Variants in PCDHA9 observed in about 807,000 individuals in gnomAD.
The protein encoded by PCDHA9 is protocadherin alpha 9.
In PCDHA9, 62 loss-of-function variants were observed where a neutral mutation model predicts 62.0. The observed-to-expected ratio is 1.00, with a 90% CI of 0.81 to 1.23. PCDHA9 has a LOEUF of 1.23. PCDHA9 is among the 50% of genes most tolerant of loss of function. PCDHA9 has a pLI of 0.00. For missense variants in PCDHA9, 1,205 were observed against 1,249.8 expected, an observed-to-expected ratio of 0.96 and a Z score of 0.54; for synonymous variants, 557 against 567.6, an observed-to-expected ratio of 0.98 and a Z score of 0.27.
intron 3 of PCDHA9, among the ~76,000 whole-genome samples, chr5:141,002,340 TTC>T (rs1554258614): frequency 5.3e-4 from 81 of 152,342 alleles, no homozygotes; most frequent in African/African-American, 1.9e-3. Flanking sequence ...TCCGCACCCC[TTC>T]CCCCACCTCC....
intron 1 of PCDHA9, among the ~76,000 whole-genome samples, chr5:140,920,262 T>A (rs1199241403): frequency 2.0e-5 from 3 of 152,216 alleles, no homozygotes; most frequent in African/African-American, 7.2e-5. Flanking sequence ...ATAATAATTA[T>A]TACTTTATGT....
intron 1 of PCDHA9, among the ~76,000 whole-genome samples, chr5:140,917,358 C>T (rs2153543502): frequency 6.7e-6 from 1 of 149,798 alleles, no homozygotes; most frequent in East Asian, 1.9e-4. Flanking sequence ...GCTTCTGTTC[C>T]ACTATCTTGC....
chr5:140,987,730 C>CAA (rs2097266231), intron 3 of PCDHA9, among the ~76,000 whole-genome samples: 1 of 152,066 alleles, frequency 6.6e-6, no homozygotes, highest in African/African-American at 2.4e-5. Flanking sequence ...CCTACAGCTT[C>CAA]AAAATTTAGA....
intron 3 of PCDHA9, among the ~76,000 whole-genome samples, chr5:141,003,801 A>T (rs1554259323): frequency 1.3e-5 from 2 of 152,172 alleles, no homozygotes; most frequent in African/African-American, 4.8e-5. Context: ...ATTGGGTTGT[A>T]ATCTGTAGTC....
chr5:140,990,783 G>A (rs932115900), intron 3 of PCDHA9, among the ~76,000 whole-genome samples: 5 of 152,170 alleles, frequency 3.3e-5, no homozygotes, highest in African/African-American at 7.2e-5. Flanking sequence ...TGTGTTGGAC[G>A]ATGAACCATG....
At chr5:141,007,804 A>G (rs966389410) in intron 3 of PCDHA9, among the ~76,000 whole-genome samples, 1 of 152,204 alleles carries the variant, frequency 6.6e-6, no homozygotes, top group Non-Finnish European at 1.5e-5. Context: ...TTTATCTGCC[A>G]TTCATTTGCC....
chr5:140,984,878 C>G (rs2097124872), intron 3 of PCDHA9, among the ~76,000 whole-genome samples: 1 of 151,854 alleles, frequency 6.6e-6, no homozygotes, highest in African/African-American at 2.4e-5. Flanking sequence ...ATTGAGTTAC[C>G]ATGAGAACTA....
intron 1 of PCDHA9, chr5:140,869,802 G>T: frequency 6.2e-7 from 1 of 1,612,556 alleles, no homozygotes; most frequent in South Asian, 1.1e-5. Flanking sequence ...TCCAAGTCTT[G>T]GATGTCAACG....
intron 1 of PCDHA9, among the ~76,000 whole-genome samples, chr5:140,936,367 A>G (rs1347774517): frequency 2.0e-5 from 3 of 152,348 alleles, no homozygotes; most frequent in East Asian, 1.9e-4. Flanking sequence ...GCTACTGAGC[A>G]CTTGAAATGT....
rs114930676 is a variant in PCDHA9 at position 140,999,076 on chromosome 5, C to G, written c.2543-10551C>G. ...CATGCCTAAGTAGTCTCCTTCACTT[C>G]CTCCTTCAGAGGGCTATGGAGAGTA... On this transcript the variant is annotated intron_variant, in intron 3 of 3. Transcript: ENST00000532602. Among the ~76,000 whole-genome samples the G allele has an allele frequency of 3.3e-3, 503 of 152,332 alleles. 4 individuals are homozygous for G. The highest frequency in any genetic ancestry group is 0.011 in the African/African-American group (469 of 41,568).
At chr5:140,916,647 C>T (rs2077666767) in intron 1 of PCDHA9, among the ~76,000 whole-genome samples, 1 of 152,180 alleles carries the variant, frequency 6.6e-6, no homozygotes, top group African/African-American at 2.4e-5. Context: ...TGTGGCTGAG[C>T]TGGTATCCAA....
chr5:140,919,198 A>G (rs545072839), intron 1 of PCDHA9, among the ~76,000 whole-genome samples: 8 of 152,268 alleles, frequency 5.3e-5, no homozygotes, highest in Admixed American at 3.9e-4. Flanking sequence ...TCCTTTTGTC[A>G]TTATAAAATG....
intron 1 of PCDHA9, chr5:140,870,960 C>A: frequency 6.2e-7 from 1 of 1,613,670 alleles, no homozygotes. Flanking sequence ...GCTCGCGCAT[C>A]CCGTTCCGCG....
intron 1 of PCDHA9, chr5:140,969,039 A>G: frequency 6.2e-7 from 1 of 1,614,130 alleles, no homozygotes; most frequent in Non-Finnish European, 8.5e-7. Context: ...GAACTGTACA[A>G]ACAAGCCAAC....
chr5:140,856,441 G>T, intron 1 of PCDHA9: 1 of 1,598,410 alleles, frequency 6.3e-7, no homozygotes, highest in East Asian at 2.2e-5. Flanking sequence ...ACCCGCCCAG[G>T]TTCTCCGTAA....
At chr5:140,877,681 C>T (rs1554169975) in intron 1 of PCDHA9, 2 of 1,613,678 alleles carry the variant, frequency 1.2e-6, no homozygotes, top group Non-Finnish European at 1.7e-6. Context: ...GCCGGGCAAG[C>T]CCACGCTGGT....
At chr5:140,967,626 G>T in intron 1 of PCDHA9, 2 of 1,614,138 alleles carry the variant, frequency 1.2e-6, no homozygotes, top group Non-Finnish European at 1.7e-6. Flanking sequence ...CCGGATGAGG[G>T]CTCCAATGGT....
At chr5:140,864,245 T>C (rs1189962615) in intron 1 of PCDHA9, 1 of 152,208 alleles carries the variant, frequency 6.6e-6, no homozygotes, top group Non-Finnish European at 1.5e-5. Flanking sequence ...TTCCTATTCA[T>C]TTTCTTATTC....
rs1305231081 is a variant in PCDHA9 at position 141,010,857 on chromosome 5, G to A, written c.*920G>A. The A allele has an allele frequency of 6.5e-6, 1 of 153,732 alleles. No homozygotes were observed. The highest frequency in any genetic ancestry group is 2.4e-5 in the African/African-American group (1 of 41,448). 9.5% of individuals were successfully genotyped at this position (153,732 alleles called of 1,614,324 possible). ...ATAGATTTATTTAAAAAAAGAGAAAGTCTATAGCTATAAATCTTTAAAGAG... is the reference window on the plus strand; with the variant it reads ...ATAGATTTATTTAAAAAAAGAGAAAATCTATAGCTATAAATCTTTAAAGAG... On this transcript the variant is annotated 3_prime_UTR_variant, in exon 4 of 4. Transcript: ENST00000532602.
Sources: allele counts gnomAD v4.1 joint callset (sites outside exome capture counted in the v4.1 genomes callset), GRCh38; gene constraint gnomAD v4.1.1; transcripts MANE v1.5; gene names NCBI Gene and HGNC (gene_info 2026-07-23, HGNC 2026-07-21).